The following STK3 variants were observed in gnomAD, a reference collection of about 807,000 sequenced individuals.
STK3 encodes the protein serine/threonine-protein kinase 3.
In STK3, 41 loss-of-function variants were observed where a neutral mutation model predicts 58.0. That is an observed-to-expected ratio of 0.71 (90% CI 0.55 to 0.92). The LOEUF is 0.92. STK3 is among the 40% of genes least tolerant of loss of function. The pLI, the probability that STK3 is intolerant of heterozygous loss-of-function variation, is 0.00. For synonymous variants in STK3, 170 were observed against 191.0 expected (o/e 0.89, Z 0.91); for missense variants, 479 against 602.7 (o/e 0.79, Z 2.15).
chr8:98,856,571 C>A (rs933490827), intron 3 of STK3, among the ~76,000 whole-genome samples: 1 of 152,070 alleles, frequency 6.6e-6, no homozygotes, highest in Non-Finnish European at 1.5e-5. Context: ...TTAGCGAAGA[C>A]GTGGAAAAAT....
At chr8:98,353,870 T>C in the STK3 span, among the ~76,000 whole-genome samples, 1 of 151,534 alleles carries the variant, frequency 6.6e-6, no homozygotes. Flanking sequence ...ACTTTTGTTG[T>C]TCTCTGGGCA....
chr8:98,595,322 G>A (rs1485710959), intron 7 of STK3: 1 of 97,344 alleles, frequency 1.0e-5, no homozygotes, highest in African/African-American at 3.9e-5. Flanking sequence ...TTCTTTTTTT[G>A]TTCTTTTAAC....
chr8:98,759,073 G>T (rs998406434), intron 3 of STK3, among the ~76,000 whole-genome samples: 4 of 152,176 alleles, frequency 2.6e-5, no homozygotes, highest in Non-Finnish European at 4.4e-5. Context: ...TACCACTCAT[G>T]TGCTCACTGG....
chr8:98,539,443 C>T (rs1210151836), intron 9 of STK3, among the ~76,000 whole-genome samples: 1 of 152,022 alleles, frequency 6.6e-6, no homozygotes, highest in African/African-American at 2.4e-5. Flanking sequence ...TCAGTCTTCT[C>T]TTCTTGGTAT....
At chr8:98,728,275 T>A (rs536410966) in intron 4 of STK3, among the ~76,000 whole-genome samples, 2 of 152,174 alleles carry the variant, frequency 1.3e-5, no homozygotes, top group African/African-American at 4.8e-5. Context: ...AAAAAAGTTA[T>A]GGAATTTGTC....
intron 10 of STK3, among the ~76,000 whole-genome samples, chr8:98,523,773 A>T (rs1168052492): frequency 6.6e-6 from 1 of 151,986 alleles, no homozygotes; most frequent in Non-Finnish European, 1.5e-5. Flanking sequence ...CTCTTATCAG[A>T]TATATGATTT....
At chr8:98,493,992 G>C (rs975101912) in intron 10 of STK3, among the ~76,000 whole-genome samples, 3 of 152,022 alleles carry the variant, frequency 2.0e-5, no homozygotes, top group African/African-American at 4.8e-5. Context: ...CATTGCTTTT[G>C]TTCATTTCTC....
chr8:98,408,961 T>G (rs1449493010), intron 3 of STK3, among the ~76,000 whole-genome samples: 1 of 152,150 alleles, frequency 6.6e-6, no homozygotes, highest in Non-Finnish European at 1.5e-5. Context: ...AAACGTCCCC[T>G]GTTGCTATGC....
At chr8:98,378,018 C>G (rs1817692549) in intron 2 of STK3, among the ~76,000 whole-genome samples, 1 of 152,122 alleles carries the variant, frequency 6.6e-6, no homozygotes, top group Admixed American at 6.6e-5. Flanking sequence ...GAGGTGTCTC[C>G]AGCAGTGCCA....
At chr8:98,662,684 T>C (rs1186392667) in intron 6 of STK3, among the ~76,000 whole-genome samples, 2 of 152,158 alleles carry the variant, frequency 1.3e-5, no homozygotes, top group African/African-American at 4.8e-5. Flanking sequence ...TTTCTTTTTT[T>C]TTTTTTAAAC....
intron 3 of STK3, chr8:98,432,055 C>T (rs1818342090): frequency 6.0e-6 from 1 of 167,064 alleles, no homozygotes; most frequent in African/African-American, 2.4e-5. Flanking sequence ...TAATCTTCCT[C>T]TCCCCTAAAG....
chr8:98,409,462 C>G (rs1818032028), intron 3 of STK3, among the ~76,000 whole-genome samples: 1 of 152,248 alleles, frequency 6.6e-6, no homozygotes, highest in South Asian at 2.1e-4. Flanking sequence ...CAAGGCAACT[C>G]TGCCATCGAC....
intron 6 of STK3, among the ~76,000 whole-genome samples, chr8:98,666,291 A>T (rs1011102794): frequency 2.6e-5 from 4 of 152,166 alleles, no homozygotes; most frequent in South Asian, 2.1e-4. Flanking sequence ...AAGAAAACTT[A>T]GGGGTAGACA....
chr8:98,705,454 C>T (rs958997610), intron 6 of STK3, among the ~76,000 whole-genome samples: 3 of 151,646 alleles, frequency 2.0e-5, no homozygotes, highest in African/African-American at 7.3e-5. Flanking sequence ...TGTTTCAATA[C>T]AGCAGACAGA....
At chr8:98,653,595 T>C (rs1821176304) in intron 6 of STK3, among the ~76,000 whole-genome samples, 1 of 151,460 alleles carries the variant, frequency 6.6e-6, no homozygotes, top group African/African-American at 2.4e-5. Context: ...GCAAGACTAA[T>C]AAAGAAGAAA....
At chr8:98,630,732 G>A (rs1819140844) in intron 6 of STK3, among the ~76,000 whole-genome samples, 1 of 150,840 alleles carries the variant, frequency 6.6e-6, no homozygotes, top group African/African-American at 2.4e-5. Flanking sequence ...AGGAGGAGAA[G>A]AAGGAGAAGA....
At chr8:98,821,045 C>A (rs918604550) in intron 1 of STK3, among the ~76,000 whole-genome samples, 6 of 152,066 alleles carry the variant, frequency 3.9e-5, no homozygotes, top group Non-Finnish European at 5.9e-5. Flanking sequence ...AATTAATGAT[C>A]ATTTAATAAA....
intron 10 of STK3, among the ~76,000 whole-genome samples, chr8:98,471,680 T>C (rs933785354): frequency 2.0e-5 from 3 of 152,164 alleles, no homozygotes; most frequent in African/African-American, 7.2e-5. Flanking sequence ...ACCAAAAAAC[T>C]TTAAGTGGAA....
upstream of STK3, among the ~76,000 whole-genome samples, chr8:98,825,924 G>A (rs1338377918): frequency 6.8e-6 from 1 of 147,058 alleles, no homozygotes; most frequent in African/African-American, 2.5e-5. Context: ...GGTGGACGGA[G>A]CCGGGCACCG....
Sources: allele counts gnomAD v4.1 joint callset (sites outside exome capture counted in the v4.1 genomes callset), GRCh38; gene constraint gnomAD v4.1.1; transcripts MANE v1.5; gene names NCBI Gene and HGNC (gene_info 2026-07-23, HGNC 2026-07-21).